The following CDH22 variants were observed in gnomAD, a reference collection of about 807,000 sequenced individuals.
The protein encoded by CDH22 is cadherin 22.
CDH22 carries 30 observed loss-of-function variants against 58.4 expected under a neutral mutation model. The observed-to-expected ratio is 0.51, with a 90% CI of 0.38 to 0.70. The LOEUF is 0.70. Among genes scored for constraint, CDH22 ranks in the 30% least tolerant of loss-of-function variants. The pLI is 0.00. For missense variants in CDH22, 1,014 were observed against 1,233.9 expected, an observed-to-expected ratio of 0.82 and a Z score of 2.67; for synonymous variants, 513 against 558.2, an observed-to-expected ratio of 0.92 and a Z score of 1.14.
chr20:46,279,858 T>A (rs1254318009), intron 1 of CDH22, among the ~76,000 whole-genome samples: 1 of 152,232 alleles, frequency 6.6e-6, no homozygotes, highest in Non-Finnish European at 1.5e-5. Context: ...GTTTGGAGGA[T>A]CAAATTATAC....
At chr20:46,302,859 G>A (rs1371720948) in intron 1 of CDH22, among the ~76,000 whole-genome samples, 1 of 152,078 alleles carries the variant, frequency 6.6e-6, no homozygotes, top group Non-Finnish European at 1.5e-5. Context: ...CCCGAGCCAG[G>A]AATGGGAACT....
At chr20:46,260,006 C>T (rs554332297) in intron 1 of CDH22, among the ~76,000 whole-genome samples, 1 of 152,320 alleles carries the variant, frequency 6.6e-6, no homozygotes, top group East Asian at 1.9e-4. Context: ...ATGTGCTCAG[C>T]CCCTCCTCTG....
chr20:46,184,346 A>G (rs2085810140), intron 10 of CDH22, among the ~76,000 whole-genome samples: 1 of 151,992 alleles, frequency 6.6e-6, no homozygotes, highest in Non-Finnish European at 1.5e-5. Context: ...TAATCCGCCC[A>G]CTTCAGCCTC....
chr20:46,185,102 A>AAACAAAC (rs2085815142), intron 10 of CDH22, among the ~76,000 whole-genome samples: 1 of 146,408 alleles, frequency 6.8e-6, no homozygotes, highest in African/African-American at 2.6e-5. Context: ...ACAAACAAAC[A>AAACAAAC]AAAAACAACA....
intron 1 of CDH22, among the ~76,000 whole-genome samples, chr20:46,268,455 C>A (rs568407993): frequency 2.0e-5 from 3 of 152,270 alleles, no homozygotes; most frequent in African/African-American, 7.2e-5. Context: ...AAATTACAGG[C>A]CTGGGGAGGC....
chr20:46,248,150 A>G (rs1038706036), intron 2 of CDH22, among the ~76,000 whole-genome samples: 1 of 152,110 alleles, frequency 6.6e-6, no homozygotes, highest in Non-Finnish European at 1.5e-5. Flanking sequence ...CCCTCCTTCT[A>G]ATGAAGGGAG....
intron 7 of CDH22, among the ~76,000 whole-genome samples, chr20:46,202,272 C>T (rs979088385): frequency 7.2e-5 from 11 of 152,012 alleles, no homozygotes; most frequent in African/African-American, 2.4e-4. Context: ...CTAGTGATGC[C>T]GATGCCCTGC....
intron 3 of CDH22, among the ~76,000 whole-genome samples, chr20:46,235,330 A>G (rs2086245357): frequency 1.3e-5 from 2 of 152,174 alleles, no homozygotes; most frequent in Admixed American, 1.3e-4. Context: ...GCTCCCTGAC[A>G]TTGAAAGAAT....
chr20:46,192,743 C>T (rs1461211669), intron 8 of CDH22, among the ~76,000 whole-genome samples: 1 of 152,090 alleles, frequency 6.6e-6, no homozygotes, highest in African/African-American at 2.4e-5. Flanking sequence ...ACACCAGGCT[C>T]TGATTAGAGC....
At chr20:46,175,224 A>C in intron 11 of CDH22, 147 bp from the exon 12 acceptor site, 3 of 777,868 alleles carry the variant, frequency 3.9e-6, no homozygotes, top group Non-Finnish European at 5.8e-6. Context: ...TCTGTTCAAA[A>C]AGCCATTCTT....
intron 2 of CDH22, among the ~76,000 whole-genome samples, chr20:46,249,712 C>T (rs113587614): frequency 1.2e-4 from 19 of 152,280 alleles, no homozygotes; most frequent in African/African-American, 4.6e-4. Context: ...CTAATTGGCC[C>T]TAACAAAAGC....
chr20:46,178,317 A>G (rs180938631), intron 10 of CDH22, 120 bp from the exon 11 acceptor site: 17 of 1,060,872 alleles, frequency 1.6e-5, no homozygotes, highest in African/African-American at 3.1e-5. Flanking sequence ...CAGCCTCCCA[A>G]TGGACTCATG....
At chr20:46,295,637 C>T (rs2086625729) in intron 1 of CDH22, among the ~76,000 whole-genome samples, 1 of 152,210 alleles carries the variant, frequency 6.6e-6, no homozygotes, top group Non-Finnish European at 1.5e-5. Context: ...AGTCCAGCTT[C>T]CAAAATCCAA....
chr20:46,307,344 G>C (rs565291492), intron 1 of CDH22, among the ~76,000 whole-genome samples: 1 of 152,346 alleles, frequency 6.6e-6, no homozygotes, highest in Admixed American at 6.5e-5. Flanking sequence ...GGGGAGGCGC[G>C]AGCGAGACGG....
intron 1 of CDH22, among the ~76,000 whole-genome samples, chr20:46,279,990 G>C (rs1376119443): frequency 6.6e-6 from 1 of 152,146 alleles, no homozygotes. Flanking sequence ...TGCTATTGAG[G>C]AGGAAACCGG....
intron 2 of CDH22, among the ~76,000 whole-genome samples, chr20:46,243,913 G>A (rs2086310313): frequency 1.3e-5 from 2 of 152,210 alleles, no homozygotes; most frequent in Non-Finnish European, 2.9e-5. Context: ...GGGAAGTCAT[G>A]TGCTGTGTCA....
At chr20:46,234,881 A>G (rs1369473150) in intron 3 of CDH22, among the ~76,000 whole-genome samples, 5 of 152,196 alleles carry the variant, frequency 3.3e-5, no homozygotes, top group Non-Finnish European at 7.3e-5. Flanking sequence ...ATCTCTACAT[A>G]CCTAGCAAAG....
At chr20:46,255,978 T>C (rs912004610) in intron 1 of CDH22, among the ~76,000 whole-genome samples, 1 of 152,168 alleles carries the variant, frequency 6.6e-6, no homozygotes, top group Non-Finnish European at 1.5e-5. Flanking sequence ...TCAATAAATG[T>C]TGGCTCTGCC....
intron 1 of CDH22, among the ~76,000 whole-genome samples, chr20:46,295,144 T>G (rs958750423): frequency 1.3e-5 from 2 of 152,238 alleles, no homozygotes; most frequent in African/African-American, 4.8e-5. Context: ...GAGCCCTGGA[T>G]GTCTTTCCCT....
Sources: gnomAD v4.1 joint callset for allele counts (sites outside exome capture counted in the v4.1 genomes callset) on GRCh38, gnomAD v4.1.1 for gene constraint, MANE v1.5 for transcripts, NCBI Gene and HGNC (gene_info 2026-07-23, HGNC 2026-07-21) for gene names.